The following OPTC variants were observed in gnomAD, a reference collection of about 807,000 sequenced individuals.
OPTC encodes the protein opticin.
Under a neutral mutation model 25.4 loss-of-function variants are expected in OPTC, and 22 were observed. The observed-to-expected ratio is 0.87, with a 90% confidence interval of 0.62 to 1.24. The LOEUF (loss-of-function observed/expected upper bound fraction) is 1.24. Among genes scored for constraint, OPTC ranks in the 50% most tolerant of loss-of-function variants. The pLI is 0.00. For synonymous variants in OPTC, 169 were observed against 179.3 expected, an observed-to-expected ratio of 0.94 and a Z score of 0.46; for missense variants, 417 against 425.2, an observed-to-expected ratio of 0.98 and a Z score of 0.17.
At position 203,498,671 on chromosome 1, in the gene OPTC, C is replaced by G; in HGVS notation, c.371-10C>G. On this transcript the variant is annotated splice_polypyrimidine_tract_variant and intron_variant, in intron 3 of 7. Transcript: ENST00000367222. Reference sequence around the variant, plus strand: ...AGATCTCCCTTTGTTCTGTCTTCCACCTGGGCCAGGTCTGCCCACCTGCCT... The same window carrying G: ...AGATCTCCCTTTGTTCTGTCTTCCAGCTGGGCCAGGTCTGCCCACCTGCCT... 6.2e-7 allele frequency: 1 copy of G among 1,614,176 alleles called. No homozygotes were observed. Among genetic ancestry groups the G allele is most frequent in the East Asian group, 2.2e-5 (1 of 44,890 alleles).
chr1:203,498,568 A>G (rs1481121765), intron 3 of OPTC, 113 bp from the exon 4 acceptor site: 9 of 1,301,546 alleles, frequency 6.9e-6, no homozygotes, highest in African/African-American at 4.4e-5. Context: ...GCAGCAACCC[A>G]TAGGCTATCA....
intron 3 of OPTC, 97 bp from the exon 4 acceptor site, chr1:203,498,584 G>A: frequency 6.8e-7 from 1 of 1,472,298 alleles, no homozygotes; most frequent in Non-Finnish European, 9.5e-7. Flanking sequence ...TATCAAAAAG[G>A]CACAGATGGC....
intron 5 of OPTC, 26 bp downstream of exon 5, chr1:203,499,877 T>C: frequency 6.3e-7 from 1 of 1,587,498 alleles, no homozygotes; most frequent in Non-Finnish European, 8.6e-7. Flanking sequence ...AGATCCACTA[T>C]CTATCACCTC....
At chr1:203,495,362 T>C (rs1325787995) in intron 1 of OPTC, among the ~76,000 whole-genome samples, 2 of 152,014 alleles carry the variant, frequency 1.3e-5, no homozygotes, top group African/African-American at 4.8e-5. Flanking sequence ...CTACTAAAAA[T>C]ACAAAAATTA....
chr1:203,506,598 T>C (rs1038904721), intron 7 of OPTC, among the ~76,000 whole-genome samples: 3 of 152,180 alleles, frequency 2.0e-5, no homozygotes, highest in African/African-American at 7.2e-5. Context: ...CCTGCTCTAT[T>C]GTGGGACAGG....
rs372256499 is a variant in OPTC at position 203,497,103 on chromosome 1, C to A, written c.358C>A (p.Gln120Lys). The change falls in exon 3 of 8, where the codon CAG becomes AAG. Residue 120 changes from glutamine to lysine, a missense_variant. Gln to Lys is a moderately conservative substitution (Grantham distance 53). Coordinates refer to ENST00000367222, the MANE Select transcript of OPTC (RefSeq NM_014359.4). ...TACAGCAGGGCTGCTACTGAGTTCC[C>A]AGCCCAACCATGGTAAGTGCACAGT... is the stretch of plus-strand genomic sequence containing the variant. The part of the protein sequence containing the change: ...PTTAGLLLSS[Q>K]PNHGLPTCLV... The A allele has an allele frequency of 6.2e-7, 1 of 1,613,882 alleles. No individual in the cohort carries two copies. The highest frequency in any genetic ancestry group is 1.3e-5 in the African/African-American group (1 of 74,888).
chr1:203,497,124 A>C lies in OPTC; in HGVS notation c.370+9A>C, dbSNP rs1262365364. ...TTCCCAGCCCAACCATGGTAAGTGC[A>C]CAGTCACATGGTCGCAATATCCCTA... On this transcript the variant is annotated intron_variant, in intron 3 of 7. Transcript: ENST00000367222. 2.4e-5 allele frequency: 38 copies of C among 1,613,870 alleles called. No homozygotes were observed. Among genetic ancestry groups the C allele is most frequent in the Non-Finnish European group, 3.1e-5 (37 of 1,179,966 alleles).
chr1:203,505,322 T>G (rs1661462449), intron 7 of OPTC, among the ~76,000 whole-genome samples: 1 of 152,216 alleles, frequency 6.6e-6, no homozygotes, highest in Non-Finnish European at 1.5e-5. Flanking sequence ...GAGAATGCTA[T>G]GAATGCTTAC....
chr1:203,494,884 A>G (rs1661253296), intron 1 of OPTC, among the ~76,000 whole-genome samples: 1 of 152,184 alleles, frequency 6.6e-6, no homozygotes, highest in Non-Finnish European at 1.5e-5. Context: ...TATCACATAC[A>G]TACGCAGGCA....
rs778771651 is a variant in OPTC at position 203,496,129 on chromosome 1, G to A, written c.124G>A (p.Glu42Lys). ...EQMPREGDSF[E>K]VLPLRNDVLN... ...GATGCCCAGGGAAGGCGATTCCTTT[G>A]AAGTTCTGCCTCTGCGGAATGATGT... Residue 42 changes from glutamate to lysine, a missense_variant, in exon 2 of 8, where the codon GAA becomes AAA. Physicochemically the swap from Glu to Lys is moderately conservative, Grantham distance 56. Transcript: ENST00000367222. 1 of 1,614,140 alleles carries A rather than the reference G, an allele frequency of 6.2e-7. No homozygotes were observed. The highest frequency in any genetic ancestry group is 8.5e-7 in the Non-Finnish European group (1 of 1,180,012).
intron 7 of OPTC, among the ~76,000 whole-genome samples, chr1:203,508,082 C>G (rs1661525500): frequency 6.6e-6 from 1 of 152,172 alleles, no homozygotes; most frequent in African/African-American, 2.4e-5. Context: ...AGTACTTTGT[C>G]CCAGAGAAAG....
At chr1:203,497,137 C>A in intron 3 of OPTC, 22 bp downstream of exon 3, 1 of 1,613,374 alleles carries the variant, frequency 6.2e-7, no homozygotes, top group South Asian at 1.1e-5. Context: ...GTCACATGGT[C>A]GCAATATCCC....
At chr1:203,501,082 C>G (rs879329133) in intron 5 of OPTC, among the ~76,000 whole-genome samples, 4 of 152,128 alleles carry the variant, frequency 2.6e-5, no homozygotes, top group Admixed American at 6.6e-5. Context: ...TTTCTATGAT[C>G]AAATACTCAA....
At chr1:203,508,020 C>G (rs1036519269) in intron 7 of OPTC, among the ~76,000 whole-genome samples, 1 of 152,228 alleles carries the variant, frequency 6.6e-6, no homozygotes, top group African/African-American at 2.4e-5. Context: ...CCTAACAACT[C>G]TGTGAGGAAG....
intron 4 of OPTC, among the ~76,000 whole-genome samples, chr1:203,499,334 G>T (rs577214764): frequency 4.2e-4 from 64 of 152,122 alleles, no homozygotes; most frequent in Non-Finnish European, 7.6e-4. Context: ...AGACTCACAA[G>T]TGGAGGTGAG....
intron 7 of OPTC, among the ~76,000 whole-genome samples, chr1:203,508,102 C>T (rs1192495437): frequency 6.6e-6 from 1 of 152,196 alleles, no homozygotes; most frequent in African/African-American, 2.4e-5. Context: ...GATGACTTAA[C>T]ATAAACAATC....
intron 1 of OPTC, among the ~76,000 whole-genome samples, chr1:203,495,610 G>A (rs977173574): frequency 3.9e-5 from 6 of 152,220 alleles, no homozygotes; most frequent in Admixed American, 3.9e-4. Flanking sequence ...TTCTGAGCAT[G>A]GGGTTGTTTA....
rs139083417 is a variant in OPTC, at chr1:203,496,119, C to T, written c.114C>T (p.Gly38=). The change falls in exon 2 of 8, where the codon GGC becomes GGT. Residue 38 remains glycine (G), a synonymous_variant. Transcript: ENST00000367222. ...GAGAGGAGCAGATGCCCAGGGAAGG[C>T]GATTCCTTTGAAGTTCTGCCTCTGC... is the stretch of plus-strand genomic sequence containing the variant. ...KRREEQMPRE[G]DSFEVLPLRN... is the part of the protein sequence containing the mutation. The T allele has an allele frequency of 9.1e-5, 147 of 1,614,032 alleles. No homozygotes were observed. The highest frequency in any genetic ancestry group is 3.2e-4 in the African/African-American group (24 of 75,024).
intron 7 of OPTC, among the ~76,000 whole-genome samples, chr1:203,505,753 C>T (rs1477189988): frequency 1.3e-5 from 2 of 152,094 alleles, no homozygotes; most frequent in Non-Finnish European, 2.9e-5. Context: ...TGGTACCTAC[C>T]CTCACTCCCA....
Sources: allele counts gnomAD v4.1 joint callset (sites outside exome capture counted in the v4.1 genomes callset), GRCh38; gene constraint gnomAD v4.1.1; transcripts MANE v1.5; gene names NCBI Gene and HGNC (gene_info 2026-07-23, HGNC 2026-07-21).